S100A7: variants seen among roughly 807,000 people sequenced by gnomAD.
S100A7 encodes protein S100-A7.
In S100A7, 2 loss-of-function variants were observed where a neutral mutation model predicts 3.8. That is an observed-to-expected ratio of 0.53 (90% confidence interval 0.22 to 1.67). The LOEUF is 1.67. Among genes scored for constraint, S100A7 ranks in the 40% most tolerant of loss-of-function variants. The pLI is 0.20. For missense variants in S100A7, 130 were observed against 126.3 expected (o/e 1.03, Z -0.14); for synonymous variants, 55 against 45.9 (o/e 1.20, Z -0.80).
At position 153,457,759 on chromosome 1, in the gene S100A7, C is replaced by T. The variant is rs753108926; in HGVS notation, c.*47G>A. On this transcript the variant is annotated 3_prime_UTR_variant, in exon 3 of 3. Coordinates refer to ENST00000368723, the MANE Select transcript of S100A7 (RefSeq NM_002963.4). The stretch of plus-strand genomic sequence containing the variant: ...AAGGCAAGTGTCTGGTGGGAGAAGA[C>T]ATTTTATTGTTCCTGGGGTCTCTGG... The T allele has an allele frequency of 7.6e-6, 12 of 1,580,496 alleles. No individual in the cohort carries two copies. Among genetic ancestry groups the T allele is most frequent in the South Asian group, 1.1e-5 (1 of 87,194 alleles).
intron 1 of S100A7, 97 bp from the exon 2 acceptor site, chr1:153,459,127 C>A: frequency 7.0e-7 from 1 of 1,422,788 alleles, no homozygotes; most frequent in Non-Finnish European, 9.5e-7. Flanking sequence ...AGTAAAAACA[C>A]GGATAAGGTG....
intron 1 of S100A7, among the ~76,000 whole-genome samples, chr1:153,459,593 T>C (rs1432254459): frequency 6.6e-6 from 1 of 152,154 alleles, no homozygotes; most frequent in Non-Finnish European, 1.5e-5. Flanking sequence ...ACGTGAGTGT[T>C]AGCAGGAAAC....
At position 153,457,862 on chromosome 1, in the gene S100A7, T is replaced by C. The variant is rs62621093; in HGVS notation, c.250A>G (p.Thr84Ala). 6.0e-4 allele frequency: 962 copies of C among 1,614,088 alleles called. 5 individuals carry two copies. In the East Asian group the frequency reaches 0.015, roughly 25 times the overall value. ...CCATGGCTCTGCTTGTGGTAGTCTG[T>C]GGCTATGTCTCCCAGCAAGGACAGA... ...EFLSLLGDIA[T>A]DYHKQSHGAA... The change falls in exon 3 of 3, where the codon ACA (threonine) becomes GCA (alanine). Residue 84 changes from threonine to alanine, a missense_variant. Thr to Ala is a moderately conservative substitution (Grantham distance 58). Transcript: ENST00000368723.
intron 1 of S100A7, among the ~76,000 whole-genome samples, chr1:153,460,360 G>C (rs1392675346): frequency 1.3e-5 from 2 of 152,200 alleles, no homozygotes; most frequent in Non-Finnish European, 2.9e-5. Flanking sequence ...GGTCCCACTG[G>C]GGACATTTCC....
At chr1:153,458,659 A>G (rs1377203866) in intron 2 of S100A7, among the ~76,000 whole-genome samples, 2 of 152,158 alleles carry the variant, frequency 1.3e-5, no homozygotes, top group Non-Finnish European at 2.9e-5. Flanking sequence ...CAAGCTGCAC[A>G]CTTTGCTGAC....
At chr1:153,459,390 G>C (rs573838302) in intron 1 of S100A7, among the ~76,000 whole-genome samples, 3 of 152,328 alleles carry the variant, frequency 2.0e-5, no homozygotes, top group Non-Finnish European at 2.9e-5. Flanking sequence ...ACTCTTAAAA[G>C]AGCACCAAAT....
At position 153,457,845 on chromosome 1, in the gene S100A7, C is replaced by T; in HGVS notation, c.267G>A (p.Gln89=). 2 of 1,614,158 alleles carry T rather than the reference C, an allele frequency of 1.2e-6. No individual in the cohort carries two copies. Among genetic ancestry groups the T allele is most frequent in the Admixed American group, 3.3e-5 (2 of 60,026 alleles). The change falls in exon 3 of 3, where the codon CAG becomes CAA. Residue 89 remains glutamine, a synonymous_variant. Coordinates refer to ENST00000368723, the MANE Select transcript of S100A7 (RefSeq NM_002963.4). ...LGDIATDYHK[Q]SHGAAPCSGG... The stretch of plus-strand genomic sequence containing the variant: ...CGGAACAGGGCGCTGCTCCATGGCT[C>T]TGCTTGTGGTAGTCTGTGGCTATGT...
chr1:153,458,242 C>T lies in S100A7; in HGVS notation c.142-272G>A, dbSNP rs188524915. On this transcript the variant is annotated intron_variant, in intron 2 of 2. Transcript: ENST00000368723. ...GTTAAGTGACCTTGGGGAGAGCAGTCCCCTGCCCCAGCCTCACTCTTTCCC... is the reference window on the plus strand; with the variant it reads ...GTTAAGTGACCTTGGGGAGAGCAGTTCCCTGCCCCAGCCTCACTCTTTCCC... 2.1e-3 allele frequency among the ~76,000 whole-genome samples: 320 copies of T among 152,224 alleles called. 1 individual carries two copies. Among genetic ancestry groups the T allele is most frequent in the Middle Eastern group, 0.02 (6 of 294 alleles).
chr1:153,458,147 T>C (rs1663733017), intron 2 of S100A7, among the ~76,000 whole-genome samples, 177 bp from the exon 3 acceptor site: 1 of 152,058 alleles, frequency 6.6e-6, no homozygotes, highest in Non-Finnish European at 1.5e-5. Context: ...GTGTTATCCC[T>C]GGAGTTCTCT....
In S100A7 at chr1:153,460,597, G is replaced by A. The variant is rs2101647545; in HGVS notation, c.-18+11C>T. 3 of 1,073,388 alleles carry A rather than the reference G, an allele frequency of 2.8e-6. No individual in the cohort carries two copies. Among genetic ancestry groups the A allele is most frequent in the South Asian group, 2.7e-5 (2 of 74,438 alleles). The allele number at this position is 1,073,388 out of a possible 1,614,324, so 66.5% of individuals were successfully genotyped here. A position where few individuals can be genotyped will look rare whatever the true frequency, so the allele number is the denominator to read the frequency against. On this transcript the variant is annotated intron_variant, in intron 1 of 2. Coordinates refer to ENST00000368723, the MANE Select transcript of S100A7 (RefSeq NM_002963.4). ...ACTTCTAGAAAACGCAAAGAGGCAG[G>A]TGAGACTTACCAGAGCTGGGAAGCG...
chr1:153,458,809 G>C, intron 2 of S100A7, 64 bp downstream of exon 2: 1 of 1,563,306 alleles, frequency 6.4e-7, no homozygotes, highest in Non-Finnish European at 8.7e-7. Context: ...GGGTGAGGGT[G>C]ATCTGTCCAA....
In S100A7 at chr1:153,457,822, G is replaced by T. The variant is rs1389417488; in HGVS notation, c.290C>A (p.Ser97Tyr). ...HKQSHGAAPC[S>Y]GGSQ ...GGGGCTGGGTCACTGGCTGCCCCCG[G>T]AACAGGGCGCTGCTCCATGGCTCTG... The change falls in exon 3 of 3, where the codon TCC becomes TAC. Residue 97 changes from serine (S) to tyrosine (Y), a missense_variant. Transcript: ENST00000368723. The T allele has an allele frequency of 6.2e-7, 1 of 1,614,050 alleles. No homozygotes were observed. Among genetic ancestry groups the T allele is most frequent in the Non-Finnish European group, 8.5e-7 (1 of 1,180,030 alleles).
At position 153,460,627 on chromosome 1, in the gene S100A7, G is replaced by T. The variant is rs760607478; in HGVS notation, c.-37C>A. ...ACTTACCAGAGCTGGGAAGCGTCAC[G>T]AGTAGAAGGATGAGTGAGATGTGTG... is the stretch of plus-strand genomic sequence containing the variant. On this transcript the variant is annotated 5_prime_UTR_variant, in exon 1 of 3. Transcript: ENST00000368723. 9 of 1,199,170 alleles carry T rather than the reference G, an allele frequency of 7.5e-6. 1 individual carries two copies. Among genetic ancestry groups the T allele is most frequent in the Non-Finnish European group, 8.4e-6 (7 of 829,862 alleles). 74.3% of individuals were successfully genotyped at this position (1,199,170 alleles called of 1,614,324 possible). A position where few individuals can be genotyped will look rare whatever the true frequency, so the allele number is the denominator to read the frequency against.
intron 1 of S100A7, among the ~76,000 whole-genome samples, chr1:153,459,237 C>G (rs1663764011): frequency 1.3e-5 from 2 of 152,020 alleles, no homozygotes; most frequent in South Asian, 4.2e-4. Context: ...CTGGCCAGGG[C>G]CAAGAGGAGA....
At position 153,458,965 on chromosome 1, in the gene S100A7, A is replaced by G. The variant is rs147463471; in HGVS notation, c.49T>C (p.Phe17Leu). 3.1e-6 allele frequency: 5 copies of G among 1,614,072 alleles called. No homozygotes were observed. The highest frequency in any genetic ancestry group is 1.3e-5 in the African/African-American group (1 of 75,032). Reference sequence around the variant, plus strand: ...TCATCACGTCTGGTGTATTTGTGAAACATGTCGATCATGCCTATTATGGAC... The same window carrying G: ...TCATCACGTCTGGTGTATTTGTGAAGCATGTCGATCATGCCTATTATGGAC... ...ERSIIGMIDMFHKYTRRDDKI... is the reference protein window; with the variant it reads ...ERSIIGMIDMLHKYTRRDDKI... Residue 17 changes from phenylalanine to leucine, a missense_variant, in exon 2 of 3, where the codon TTT becomes CTT. Phe to Leu is a conservative substitution (Grantham distance 22, BLOSUM62 0). Transcript: ENST00000368723.
intron 2 of S100A7, among the ~76,000 whole-genome samples, 165 bp from the exon 3 acceptor site, chr1:153,458,135 G>T (rs1663732924): frequency 6.6e-6 from 1 of 152,054 alleles, no homozygotes; most frequent in Non-Finnish European, 1.5e-5. Context: ...GTGAGGACGT[G>T]AGTGTTATCC....
chr1:153,460,156 G>T (rs1381882997), intron 1 of S100A7, among the ~76,000 whole-genome samples: 2 of 152,222 alleles, frequency 1.3e-5, no homozygotes, highest in African/African-American at 4.8e-5. Flanking sequence ...CCAGGTAGGG[G>T]CAAGCCATCT....
chr1:153,457,773 TG>T lies in S100A7; in HGVS notation c.*32del, dbSNP rs35971850. ...GTGGGAGAAGACATTTTATTGTTCC[TG>T]GGGTCTCTGGAGGCCCATTGGTGGG... On this transcript the variant is annotated 3_prime_UTR_variant, in exon 3 of 3. Coordinates refer to ENST00000368723, the MANE Select transcript of S100A7 (RefSeq NM_002963.4). 418,019 of 1,608,158 alleles carry T rather than the reference TG, an allele frequency of 0.26. 58,421 individuals carry two copies. Among genetic ancestry groups the T allele is most frequent in the East Asian group, 0.42 (18,717 of 44,714 alleles).
At chr1:153,459,469 G>A (rs986511623) in intron 1 of S100A7, among the ~76,000 whole-genome samples, 6 of 152,226 alleles carry the variant, frequency 3.9e-5, no homozygotes, top group Non-Finnish European at 5.9e-5. Context: ...GTGATCTGGT[G>A]TCTGACCCTC....
Sources: allele counts gnomAD v4.1 joint callset (sites outside exome capture counted in the v4.1 genomes callset), GRCh38; gene constraint gnomAD v4.1.1; transcripts MANE v1.5; gene names NCBI Gene and HGNC (gene_info 2026-07-23, HGNC 2026-07-21).